LRRC37A: variants seen among roughly 807,000 people sequenced by gnomAD.
The protein encoded by LRRC37A is leucine rich repeat containing 37A.
A neutral mutation model predicts 35.4 loss-of-function variants in LRRC37A; 3 were observed. The ratio of observed to expected loss-of-function variants is 0.08; its 90% confidence interval spans 0.04 to 0.22. The LOEUF (loss-of-function observed/expected upper bound fraction) is 0.22. LRRC37A is among the 10% of genes least tolerant of loss of function. The pLI, the probability that LRRC37A is intolerant of heterozygous loss-of-function variation, is 1.00. For synonymous variants in LRRC37A, 23 were observed against 215.0 expected (o/e 0.11, Z 7.81); for missense variants, 67 against 565.3 (o/e 0.12, Z 8.94).
chr17:46,277,040 A>G, the LRRC37A span, among the ~76,000 whole-genome samples: 1 of 152,190 alleles, frequency 6.6e-6, no homozygotes, highest in Non-Finnish European at 1.5e-5. Context: ...CCTGGGCTCA[A>G]GTGAGCTGCC....
the LRRC37A span, among the ~76,000 whole-genome samples, chr17:46,261,153 C>G: frequency 1.3e-5 from 2 of 152,206 alleles, no homozygotes; most frequent in African/African-American, 4.8e-5. Flanking sequence ...TCACAAATCA[C>G]CACTAAAGAA....
the LRRC37A span, among the ~76,000 whole-genome samples, chr17:46,257,682 T>A: frequency 2.0e-5 from 3 of 147,432 alleles, no homozygotes; most frequent in African/African-American, 7.5e-5. Context: ...CAAAGTCAGG[T>A]GTGGTGGTAC....
At chr17:46,272,611 C>T in the LRRC37A span, among the ~76,000 whole-genome samples, 1 of 152,156 alleles carries the variant, frequency 6.6e-6, no homozygotes, top group East Asian at 1.9e-4. Flanking sequence ...GATGGGGTTT[C>T]ACCATGTTGG....
the LRRC37A span, among the ~76,000 whole-genome samples, chr17:46,261,056 G>A: frequency 0.13 from 19,675 of 151,928 alleles, 3 homozygotes; most frequent in Middle Eastern, 0.2. Flanking sequence ...TGGGGAATCA[G>A]GGGGAAAGGA....
intron 7 of LRRC37A, among the ~76,000 whole-genome samples, chr17:46,324,001 A>G (rs2051557621): frequency 9.6e-6 from 1 of 103,852 alleles, no homozygotes; most frequent in African/African-American, 3.1e-5. Context: ...GGACTTTGGT[A>G]ACTGCAGGGG....
At chr17:46,331,901 G>A in exon 9 of LRRC37A, 2 of 453,688 alleles carry the variant, frequency 4.4e-6, no homozygotes, top group East Asian at 6.3e-5. Context: ...GATAGAATGG[G>A]ATACGGACCA....
chr17:46,267,182 C>G, the LRRC37A span: 1 of 586,112 alleles, frequency 1.7e-6, no homozygotes, highest in Admixed American at 3.5e-5. Context: ...CGCCGCCCCG[C>G]GAGCCTTTCC....
the LRRC37A span, chr17:46,259,424 T>C: frequency 4.2e-6 from 4 of 957,444 alleles, no homozygotes; most frequent in Non-Finnish European, 6.2e-6. Flanking sequence ...GGGAGGCTGA[T>C]GGGCCTGGGC....
the LRRC37A span, among the ~76,000 whole-genome samples, chr17:46,276,210 A>G: frequency 6.6e-6 from 1 of 152,244 alleles, no homozygotes; most frequent in African/African-American, 2.4e-5. Flanking sequence ...TTGTCAGTAA[A>G]CCAAATTACT....
At chr17:46,285,084 G>A in the LRRC37A span, among the ~76,000 whole-genome samples, 11 of 152,058 alleles carry the variant, frequency 7.2e-5, no homozygotes, top group African/African-American at 2.4e-4. Flanking sequence ...GCCCAGATTG[G>A]TCTCTAACTA....
At chr17:46,268,778 T>TC in the LRRC37A span, 1 of 1,019,146 alleles carries the variant, frequency 9.8e-7, no homozygotes. Context: ...GGGTCCTCCT[T>TC]TAGAAGAGAG....
chr17:46,327,823 CTCTT>C (rs2051827186), intron 7 of LRRC37A, among the ~76,000 whole-genome samples: 1 of 10,920 alleles, frequency 9.2e-5, no homozygotes, highest in African/African-American at 1.4e-4. Flanking sequence ...AGAACTCCTC[CTCTT>C]TCTTTTTCAA....
chr17:46,265,480 C>T, the LRRC37A span, among the ~76,000 whole-genome samples: 2 of 114,648 alleles, frequency 1.7e-5, no homozygotes, highest in African/African-American at 2.6e-5. Context: ...TCTTCTTCTT[C>T]TTTCTTTTTT....
the LRRC37A span, among the ~76,000 whole-genome samples, chr17:46,286,575 C>G: frequency 6.6e-6 from 1 of 152,064 alleles, no homozygotes; most frequent in South Asian, 2.1e-4. Flanking sequence ...ACCATTAAAC[C>G]ACATTTTCCC....
the LRRC37A span, among the ~76,000 whole-genome samples, chr17:46,257,471 AAAG>A: frequency 6.8e-6 from 1 of 146,450 alleles, no homozygotes; most frequent in African/African-American, 2.5e-5. Flanking sequence ...AAAAAAAAAA[AAAG>A]TAACACTTTG....
At chr17:46,286,738 CCAGT>C in the LRRC37A span, among the ~76,000 whole-genome samples, 1 of 152,128 alleles carries the variant, frequency 6.6e-6, no homozygotes, top group Non-Finnish European at 1.5e-5. Context: ...AAATAAGTAA[CCAGT>C]CAGAGCAATT....
At chr17:46,273,787 T>C in the LRRC37A span, among the ~76,000 whole-genome samples, 1 of 152,204 alleles carries the variant, frequency 6.6e-6, no homozygotes, top group African/African-American at 2.4e-5. Flanking sequence ...TACTTTTCCT[T>C]ACATGGAAGA....
chr17:46,275,514 G>T, the LRRC37A span: 1 of 596,250 alleles, frequency 1.7e-6, no homozygotes, highest in South Asian at 1.5e-5. Context: ...GGAAGAAGCA[G>T]CCATGTTCTT....
chr17:46,254,690 T>C, the LRRC37A span, among the ~76,000 whole-genome samples: 1 of 151,060 alleles, frequency 6.6e-6, no homozygotes, highest in Non-Finnish European at 1.5e-5. Flanking sequence ...TACAGGCATG[T>C]GCCACCGCGC....
Sources: gnomAD v4.1 joint callset for allele counts (sites outside exome capture counted in the v4.1 genomes callset) on GRCh38, gnomAD v4.1.1 for gene constraint, MANE v1.5 for transcripts, NCBI Gene and HGNC (gene_info 2026-07-23, HGNC 2026-07-21) for gene names.